Variants in NBEA observed in about 807,000 individuals in gnomAD.
NBEA encodes neurobeachin.
Under a neutral mutation model 343.4 loss-of-function variants are expected in NBEA, and 44 were observed. That is an observed-to-expected ratio of 0.13 (90% CI 0.10 to 0.16). The LOEUF (loss-of-function observed/expected upper bound fraction) is 0.16. Ranked by LOEUF, NBEA falls within the 10% of genes least tolerant of loss-of-function variation. The pLI is 1.00. For missense variants in NBEA, 2,555 were observed against 3,631.3 expected, an observed-to-expected ratio of 0.70 and a Z score of 7.62; for synonymous variants, 1,175 against 1,238.7, an observed-to-expected ratio of 0.95 and a Z score of 1.08.
At chr13:35,337,689 A>T (rs1436046238) in intron 36 of NBEA, among the ~76,000 whole-genome samples, 2 of 152,146 alleles carry the variant, frequency 1.3e-5, no homozygotes, top group Non-Finnish European at 2.9e-5. Flanking sequence ...TCACAAGTGC[A>T]CATGAAACAT....
chr13:35,155,693 T>A (rs2069123628), intron 18 of NBEA, 81 bp from the exon 19 acceptor site: 2 of 1,057,458 alleles, frequency 1.9e-6, no homozygotes, highest in Non-Finnish European at 2.9e-6. Flanking sequence ...ACATTTCTTT[T>A]GCAGGTTCAT....
chr13:35,612,577 A>G (rs746401506), intron 48 of NBEA, among the ~76,000 whole-genome samples: 11 of 152,186 alleles, frequency 7.2e-5, no homozygotes, highest in Non-Finnish European at 1.3e-4. Flanking sequence ...TTCATAGTCA[A>G]AGAAGTTTGT....
At chr13:35,429,820 TG>T (rs1566121227) in intron 38 of NBEA, among the ~76,000 whole-genome samples, 5 of 145,354 alleles carry the variant, frequency 3.4e-5, no homozygotes, top group Non-Finnish European at 7.5e-5. Context: ...TGTGTGTGTG[TG>T]TGTGTGTGTG....
intron 51 of NBEA, 84 bp from the exon 52 acceptor site, chr13:35,649,559 CTAGCCTTGTCTG>C: frequency 3.9e-6 from 4 of 1,023,440 alleles, no homozygotes; most frequent in Non-Finnish European, 5.9e-6. Context: ...TGTGCTCGTG[CTAGCCTTGTCTG>C]TTTAACCTCA....
intron 1 of NBEA, among the ~76,000 whole-genome samples, chr13:34,953,196 A>C (rs1479303015): frequency 6.6e-6 from 1 of 152,216 alleles, no homozygotes; most frequent in Non-Finnish European, 1.5e-5. Context: ...AAGCTAAGCA[A>C]GTCTGCTGTC....
intron 40 of NBEA, among the ~76,000 whole-genome samples, chr13:35,460,374 A>T (rs1028122742): frequency 2.0e-5 from 3 of 152,224 alleles, no homozygotes; most frequent in African/African-American, 7.2e-5. Context: ...TACCCAAAGG[A>T]TTCACATTCA....
intron 33 of NBEA, among the ~76,000 whole-genome samples, chr13:35,213,435 G>T (rs1033907144): frequency 1.3e-5 from 2 of 151,248 alleles, no homozygotes; most frequent in Non-Finnish European, 3.0e-5. Flanking sequence ...TTGATGCTTT[G>T]CATTTACATT....
chr13:35,024,179 T>C (rs2061939425), intron 1 of NBEA, among the ~76,000 whole-genome samples: 1 of 152,232 alleles, frequency 6.6e-6, no homozygotes, highest in Admixed American at 6.5e-5. Context: ...TGATTTTTTT[T>C]TGTTATGGCT....
chr13:35,245,328 T>C (rs1035018695), intron 34 of NBEA, among the ~76,000 whole-genome samples: 2 of 152,152 alleles, frequency 1.3e-5, no homozygotes, highest in Non-Finnish European at 2.9e-5. Flanking sequence ...AGTATTCCAT[T>C]TATTGTGCTA....
At chr13:35,469,497 G>C (rs1257464462) in intron 40 of NBEA, among the ~76,000 whole-genome samples, 2 of 152,136 alleles carry the variant, frequency 1.3e-5, no homozygotes, top group Non-Finnish European at 2.9e-5. Flanking sequence ...GTTGTAAAAA[G>C]TAAATAACAT....
At chr13:35,308,474 G>GTA (rs1174970072) in intron 35 of NBEA, among the ~76,000 whole-genome samples, 43 of 66,346 alleles carry the variant, frequency 6.5e-4, no homozygotes, top group African/African-American at 1.6e-3. Flanking sequence ...ATATATATAT[G>GTA]TATATATATA....
At chr13:35,531,602 G>A (rs999217814) in intron 41 of NBEA, among the ~76,000 whole-genome samples, 4 of 152,068 alleles carry the variant, frequency 2.6e-5, no homozygotes, top group Non-Finnish European at 5.9e-5. Flanking sequence ...TTAGTTCCCC[G>A]TCTCTATGAC....
intron 12 of NBEA, among the ~76,000 whole-genome samples, chr13:35,109,962 C>T (rs2066105596): frequency 7.0e-6 from 1 of 142,782 alleles, no homozygotes; most frequent in Admixed American, 7.2e-5. Context: ...TTTGAGCTAT[C>T]TTTTATAGTT....
At chr13:35,201,752 TC>T (rs2073037451) in intron 31 of NBEA, among the ~76,000 whole-genome samples, 1 of 151,980 alleles carries the variant, frequency 6.6e-6, no homozygotes, top group African/African-American at 2.4e-5. Context: ...TTATTATTAG[TC>T]CCCCAAAGCA....
intron 46 of NBEA, among the ~76,000 whole-genome samples, chr13:35,590,372 T>C (rs535140806): frequency 1.3e-5 from 2 of 152,230 alleles, no homozygotes; most frequent in South Asian, 4.1e-4. Flanking sequence ...TATGTGACCT[T>C]AAGACAGTTG....
At chr13:35,511,573 G>A (rs1271108777) in intron 41 of NBEA, among the ~76,000 whole-genome samples, 1 of 152,020 alleles carries the variant, frequency 6.6e-6, no homozygotes, top group Admixed American at 6.6e-5. Context: ...ACCCTCATCA[G>A]GTGTTGATTG....
chr13:35,556,350 G>A (rs1011748655), intron 44 of NBEA, among the ~76,000 whole-genome samples: 17 of 152,092 alleles, frequency 1.1e-4, no homozygotes, highest in Middle Eastern at 6.8e-3. Flanking sequence ...AAGAGAAGAG[G>A]GAGAGAATCC....
chr13:35,432,246 AC>A (rs1420980762), intron 38 of NBEA, 22 bp from the exon 39 acceptor site: 1 of 1,570,486 alleles, frequency 6.4e-7, no homozygotes. Context: ...AATAGGGATT[AC>A]TTTTTTTCCC....
intron 32 of NBEA, among the ~76,000 whole-genome samples, chr13:35,210,556 T>C (rs1316368834): frequency 6.6e-6 from 1 of 152,150 alleles, no homozygotes; most frequent in Non-Finnish European, 1.5e-5. Context: ...GAAGACTCAT[T>C]ATTTTAAGAC....
Sources: allele counts gnomAD v4.1 joint callset (sites outside exome capture counted in the v4.1 genomes callset), GRCh38; gene constraint gnomAD v4.1.1; transcripts MANE v1.5; gene names NCBI Gene and HGNC (gene_info 2026-07-23, HGNC 2026-07-21).